JADE3: variants seen among roughly 807,000 people sequenced by gnomAD.
JADE3 encodes jade family PHD finger 3, also known as protein Jade-3.
In JADE3, 2 loss-of-function variants were observed where a neutral mutation model predicts 50.1. The ratio of observed to expected loss-of-function variants is 0.04; its 90% CI spans 0.02 to 0.13. The LOEUF is 0.13. Ranked by LOEUF, JADE3 falls within the 10% of genes least tolerant of loss-of-function variation. The pLI is 1.00. For synonymous variants in JADE3, 218 were observed against 232.9 expected (o/e 0.94, Z 0.58); for missense variants, 475 against 634.4 (o/e 0.75, Z 2.70).
At chrX:46,984,830 CCT>C in intron 1 of JADE3, 52 bp from the exon 2 acceptor site, 1 of 923,333 alleles carries the variant, frequency 1.1e-6, no homozygotes. Context: ...TGTTGACTGC[CCT>C]CTGGGATGGG....
In JADE3 at chrX:46,924,703, C is replaced by T. The variant is rs1203937828; in HGVS notation, c.-12+11984C>T. On this transcript the variant is annotated intron_variant, in intron 1 of 10. Coordinates refer to ENST00000614628, the MANE Select transcript of JADE3 (RefSeq NM_014735.5). ...ATAATTGATTCTAGTTTGGTTTCTC[C>T]CTGTTTTAGGCTTAAAAATCCTCTA... 8.1e-5 allele frequency among the ~76,000 whole-genome samples: 9 copies of T among 111,646 alleles called. 1 individual carries two copies. Among genetic ancestry groups the T allele is most frequent in the African/African-American group, 2.3e-4 (7 of 30,740 alleles).
At chrX:47,032,641 G>A (rs781901641) in intron 6 of JADE3, among the ~76,000 whole-genome samples, 1 of 111,586 alleles carries the variant, frequency 9.0e-6, no homozygotes, top group Admixed American at 9.6e-5. Context: ...TGGGGCCACT[G>A]TAGGGAGAAT....
chrX:46,943,823 T>C (rs1484749526), intron 1 of JADE3, among the ~76,000 whole-genome samples: 1 of 111,981 alleles, frequency 8.9e-6, no homozygotes, highest in African/African-American at 3.3e-5. Flanking sequence ...GGAATTTGGC[T>C]GTGAATACAT....
chrX:46,985,292 A>G (rs781967509), intron 2 of JADE3, among the ~76,000 whole-genome samples: 49 of 112,170 alleles, frequency 4.4e-4, no homozygotes, highest in Middle Eastern at 9.2e-3. Context: ...CTGTGAGTCA[A>G]TCATCATTTG....
At chrX:46,977,842 G>T (rs181459375) in intron 1 of JADE3, among the ~76,000 whole-genome samples, 1 of 111,642 alleles carries the variant, frequency 9.0e-6, no homozygotes, top group East Asian at 2.8e-4. Context: ...GCTGCCTCTG[G>T]GAGGGAGACT....
At chrX:46,938,826 A>C (rs1184892120) in intron 1 of JADE3, among the ~76,000 whole-genome samples, 7 of 111,271 alleles carry the variant, frequency 6.3e-5, no homozygotes, top group African/African-American at 2.3e-4. Context: ...CTTCCTTCTG[A>C]CCTCCATGGT....
Position 47,039,032 on chromosome X carries a change from C to T in JADE3, c.939C>T (p.Asn313=). The T allele has an allele frequency of 1.7e-6, 2 of 1,184,934 alleles. No homozygotes were observed. Among genetic ancestry groups the T allele is most frequent in the Non-Finnish European group, 2.3e-6 (2 of 872,737 alleles). The change falls in exon 8 of 11, where the codon AAC becomes AAT. Residue 313 remains asparagine (N), a synonymous_variant. Coordinates refer to ENST00000614628, the MANE Select transcript of JADE3 (RefSeq NM_014735.5). ...IPPSRWALVC[N]LCKLKTGACI... ...CCAGTCGGTGGGCCTTAGTCTGCAA[C>T]TTGTGCAAGTTGAAGACGGGGGCTT...
chrX:47,024,109 G>GC (rs1172929089), intron 4 of JADE3, among the ~76,000 whole-genome samples: 1 of 111,676 alleles, frequency 9.0e-6, no homozygotes, highest in Admixed American at 9.5e-5. Context: ...TGCAGATATC[G>GC]CCCCCTCCCA....
chrX:46,964,697 ACAGT>A (rs71667646), intron 1 of JADE3, among the ~76,000 whole-genome samples: 2,121 of 112,836 alleles, frequency 0.019, 57 homozygotes, highest in African/African-American at 0.063. Flanking sequence ...TTGTTGCACA[ACAGT>A]CAGTAACTGG....
intron 1 of JADE3, among the ~76,000 whole-genome samples, chrX:46,963,408 T>C (rs1556348258): frequency 8.9e-6 from 1 of 112,378 alleles, no homozygotes; most frequent in Non-Finnish European, 1.9e-5. Context: ...TTTAGTGTAG[T>C]ACGACTGAGG....
intron 1 of JADE3, among the ~76,000 whole-genome samples, chrX:46,972,018 AGTTTAG>A (rs1312436361): frequency 9.1e-6 from 1 of 110,320 alleles, no homozygotes; most frequent in Non-Finnish European, 1.9e-5. Flanking sequence ...CATTTTTTTT[AGTTTAG>A]ACCGGAGGTT....
intron 8 of JADE3, among the ~76,000 whole-genome samples, chrX:47,049,224 G>A (rs1461360504): frequency 1.2e-5 from 1 of 80,673 alleles, no homozygotes; most frequent in African/African-American, 5.3e-5. Flanking sequence ...GTCTTGCTCT[G>A]TCGCCCAGGC....
intron 1 of JADE3, among the ~76,000 whole-genome samples, chrX:46,979,136 G>T (rs1247971386): frequency 9.0e-6 from 1 of 111,672 alleles, no homozygotes; most frequent in African/African-American, 3.3e-5. Flanking sequence ...TAGATAATCT[G>T]TTTCCTAGGC....
intron 1 of JADE3, among the ~76,000 whole-genome samples, chrX:46,936,856 A>G (rs781979073): frequency 6.2e-4 from 69 of 111,001 alleles, no homozygotes; most frequent in Middle Eastern, 4.7e-3. Context: ...TTGCTTTTCA[A>G]TTGTGCTAGA....
rs143309546 is a variant in JADE3, at chrX:47,059,048, C to G, written c.2443C>G (p.Pro815Ala). The G allele has an allele frequency of 2.1e-4, 253 of 1,199,461 alleles. No individual in the cohort carries two copies. The highest frequency in any genetic ancestry group is 2.8e-4 in the Non-Finnish European group (247 of 892,243). The change falls in exon 11 of 11, where the codon CCC (proline) becomes GCC (alanine). Residue 815 changes from proline to alanine, a missense_variant. By Grantham distance (27) the Pro-to-Ala change is conservative. Transcript: ENST00000614628. ...TTGCCATGGTAAAAGCAAGACACAT[C>G]CCCTTTCCCACAGTTCAATGCAAAG... ...RDCHGKSKTH[P>A]LSHSSMQR
chrX:46,985,098 TTAGAGA>T (rs1927834296), intron 2 of JADE3, among the ~76,000 whole-genome samples, 158 bp downstream of exon 2: 1 of 112,143 alleles, frequency 8.9e-6, no homozygotes, highest in Admixed American at 9.5e-5. Context: ...TTAAATTTCA[TTAGAGA>T]TAGATAAATT....
chrX:46,951,632 A>AG (rs1927007031), intron 1 of JADE3, among the ~76,000 whole-genome samples: 1 of 105,278 alleles, frequency 9.5e-6, no homozygotes. Flanking sequence ...TCTCTGTGTT[A>AG]GATTCTAGTT....
intron 8 of JADE3, among the ~76,000 whole-genome samples, chrX:47,045,719 A>G (rs1471298472): frequency 3.6e-5 from 4 of 112,167 alleles, no homozygotes; most frequent in Non-Finnish European, 7.5e-5. Flanking sequence ...GTGGAATAAA[A>G]CTAGAAATCA....
intron 4 of JADE3, 37 bp from the exon 5 acceptor site, chrX:47,024,687 G>A (rs782474767): frequency 1.0e-6 from 1 of 963,043 alleles, no homozygotes; most frequent in Non-Finnish European, 1.5e-6. Context: ...TCTGTCATTT[G>A]TTGATTGTTA....
Sources: allele counts gnomAD v4.1 joint callset (sites outside exome capture counted in the v4.1 genomes callset), GRCh38; gene constraint gnomAD v4.1.1; transcripts MANE v1.5; gene names NCBI Gene and HGNC (gene_info 2026-07-23, HGNC 2026-07-21).